HTT: variants seen among roughly 807,000 people sequenced by gnomAD.
The protein encoded by HTT is huntingtin.
In HTT, 104 loss-of-function variants were observed where a neutral mutation model predicts 362.3. The ratio of observed to expected loss-of-function variants is 0.29; its 90% CI spans 0.24 to 0.34. The LOEUF is 0.34. Among genes scored for constraint, HTT ranks in the 10% least tolerant of loss-of-function variants. The probability of loss-of-function intolerance (pLI) is 1.00; values close to 1 mark genes in which losing one functional copy is unlikely to be tolerated. For synonymous variants in HTT, 1,577 were observed against 1,548.7 expected (o/e 1.02, Z -0.43); for missense variants, 3,301 against 3,928.6 (o/e 0.84, Z 4.27).
chr4:3,146,754 T>TA, intron 24 of HTT, 43 bp from the exon 25 acceptor site: 2 of 1,591,494 alleles, frequency 1.3e-6, no homozygotes, highest in Non-Finnish European at 1.7e-6. Context: ...GTTGTTTGCT[T>TA]AAAAATTGTC....
intron 2 of HTT, among the ~76,000 whole-genome samples, chr4:3,087,921 GCTCA>G (rs1713299203): frequency 6.6e-6 from 1 of 152,014 alleles, no homozygotes; most frequent in Non-Finnish European, 1.5e-5. Flanking sequence ...CGTGATCTCG[GCTCA>G]CTGCAACCTC....
chr4:3,076,039 G>C (rs1304796674), intron 1 of HTT, among the ~76,000 whole-genome samples: 3 of 152,162 alleles, frequency 2.0e-5, no homozygotes, highest in African/African-American at 7.2e-5. Context: ...AGTCAGGCTT[G>C]CCAGAATACG....
chr4:3,200,656 G>A (rs1303019489), intron 41 of HTT, among the ~76,000 whole-genome samples: 1 of 152,212 alleles, frequency 6.6e-6, no homozygotes, highest in African/African-American at 2.4e-5. Flanking sequence ...TATGGATACT[G>A]GACCTTGTGC....
chr4:3,130,689 A>G (rs1246223834), intron 14 of HTT, among the ~76,000 whole-genome samples: 1 of 152,160 alleles, frequency 6.6e-6, no homozygotes, highest in Non-Finnish European at 1.5e-5. Flanking sequence ...GATTTCTTGG[A>G]TCATTCATTT....
intron 54 of HTT, among the ~76,000 whole-genome samples, chr4:3,223,112 T>C (rs1720753361): frequency 6.6e-6 from 1 of 152,218 alleles, no homozygotes; most frequent in East Asian, 1.9e-4. Flanking sequence ...GCAAGGCCTG[T>C]AAAATGTATG....
intron 21 of HTT, among the ~76,000 whole-genome samples, chr4:3,139,190 A>G (rs138099268): frequency 1.3e-5 from 2 of 152,176 alleles, no homozygotes; most frequent in African/African-American, 4.8e-5. Flanking sequence ...AAATGATAGC[A>G]ACTTCTTTTT....
intron 37 of HTT, among the ~76,000 whole-genome samples, chr4:3,183,224 T>C (rs7683309): frequency 0.14 from 20,872 of 152,256 alleles, 1,787 homozygotes; most frequent in African/African-American, 0.25. Context: ...ATGACATGAA[T>C]CATTGTTTCC....
chr4:3,075,651 G>GGC (rs1553909161), intron 1 of HTT, among the ~76,000 whole-genome samples: 1 of 143,426 alleles, frequency 7.0e-6, no homozygotes, highest in Non-Finnish European at 1.5e-5. Flanking sequence ...GCGGGGCAGG[G>GGC]GGGGGGCGGG....
intron 41 of HTT, 37 bp from the exon 42 acceptor site, chr4:3,203,970 C>T: frequency 6.2e-7 from 1 of 1,606,548 alleles, no homozygotes; most frequent in African/African-American, 1.3e-5. Flanking sequence ...TCACTGCCAT[C>T]CAGAAACATT....
intron 6 of HTT, among the ~76,000 whole-genome samples, chr4:3,114,241 AC>A: frequency 6.6e-6 from 1 of 152,166 alleles, no homozygotes; most frequent in East Asian, 1.9e-4. Context: ...GCGGTTTTCC[AC>A]CCTGGGTGGG....
intron 29 of HTT, among the ~76,000 whole-genome samples, chr4:3,164,834 C>T (rs967981569): frequency 2.0e-5 from 3 of 152,094 alleles, no homozygotes; most frequent in Non-Finnish European, 2.9e-5. Flanking sequence ...TGAGATGGGT[C>T]TCCTGAATAC....
intron 1 of HTT, among the ~76,000 whole-genome samples, chr4:3,086,123 T>C (rs953965055): frequency 6.6e-6 from 1 of 152,242 alleles, no homozygotes; most frequent in Non-Finnish European, 1.5e-5. Flanking sequence ...CCATCTCTTG[T>C]AATCTATGCC....
At chr4:3,196,989 C>T (rs1346663652) in intron 40 of HTT, among the ~76,000 whole-genome samples, 1 of 152,174 alleles carries the variant, frequency 6.6e-6, no homozygotes, top group Non-Finnish European at 1.5e-5. Flanking sequence ...CAGCCTGCCT[C>T]TTGCCCTCTT....
chr4:3,095,015 C>T (rs934820451), intron 2 of HTT, among the ~76,000 whole-genome samples: 7 of 151,100 alleles, frequency 4.6e-5, no homozygotes, highest in African/African-American at 7.3e-5. Context: ...GGATGACAGC[C>T]GGGAAGAGGC....
rs1370360715 is a variant in HTT at position 3,243,402 on chromosome 4, G to A, written c.*3343G>A. On this transcript the variant is annotated 3_prime_UTR_variant, in exon 67 of 67. Transcript: ENST00000355072. ...TGTCCTCCAGAGGGGTCACGTGTAG[G>A]AGTGAGAAGAAGGAAGATCTTGAGA... is the stretch of plus-strand genomic sequence containing the variant. 6.6e-6 allele frequency: 1 copy of A among 152,534 alleles called. No individual in the cohort carries two copies. The highest frequency in any genetic ancestry group is 1.5e-5 in the Non-Finnish European group (1 of 68,120). 9.4% of individuals were successfully genotyped at this position (152,534 alleles called of 1,614,324 possible). A position where few individuals can be genotyped will look rare whatever the true frequency, so the allele number is the denominator to read the frequency against.
At chr4:3,116,301 A>G (rs775521339) in intron 8 of HTT, 38 bp downstream of exon 8, 1 of 1,516,622 alleles carries the variant, frequency 6.6e-7, no homozygotes, top group Admixed American at 1.7e-5. Flanking sequence ...CTGCATGTGA[A>G]TGACTGACAT....
intron 41 of HTT, among the ~76,000 whole-genome samples, chr4:3,202,700 T>C (rs1719640469): frequency 6.6e-6 from 1 of 152,148 alleles, no homozygotes; most frequent in Admixed American, 6.5e-5. Flanking sequence ...GTTCAGCCCA[T>C]TGCAGAAGGC....
Position 3,206,542 on chromosome 4 carries a change from A to G in HTT, c.5765A>G (p.Asn1922Ser), listed in dbSNP as rs1240672931. 1 of 1,614,070 alleles carries G rather than the reference A, an allele frequency of 6.2e-7. No homozygotes were observed. The highest frequency in any genetic ancestry group is 2.2e-5 in the East Asian group (1 of 44,866). The change falls in exon 43 of 67, where the codon AAT becomes AGT. Residue 1922 changes from asparagine to serine, a missense_variant. Physicochemically the swap from Asn to Ser is conservative, Grantham distance 46. Around this residue, in one of 4 missense-constraint regions of HTT, gnomAD observed 2,316 missense variants for 2,658.5 expected, o/e 0.87. Coordinates refer to ENST00000355072, the MANE Select transcript of HTT (RefSeq NM_001388492.1). This position sits in a 1 kb window ranked among gnomAD's most constrained non-coding sequence, Gnocchi z 4.6. Reference protein sequence around the residue: ...DSEHLTWLIVNHIQDLISLSH... With the variant: ...DSEHLTWLIVSHIQDLISLSH... ...GAGCACTTAACGTGGCTCATTGTAAATCACATTCAAGATCTGATCAGCCTT... is the reference window on the plus strand; with the variant it reads ...GAGCACTTAACGTGGCTCATTGTAAGTCACATTCAAGATCTGATCAGCCTT...
intron 54 of HTT, among the ~76,000 whole-genome samples, chr4:3,223,201 T>G (rs569821728): frequency 6.6e-6 from 1 of 152,214 alleles, no homozygotes; most frequent in Non-Finnish European, 1.5e-5. Flanking sequence ...ATTTGAAAAA[T>G]GGGCTTTTGC....
Sources: allele counts gnomAD v4.1 joint callset (sites outside exome capture counted in the v4.1 genomes callset), GRCh38; gene constraint gnomAD v4.1.1; regional missense constraint gnomAD v4.1.1; non-coding constraint Gnocchi (gnomAD v3.1); transcripts MANE v1.5; gene names NCBI Gene and HGNC (gene_info 2026-07-23, HGNC 2026-07-21).